The following PIK3CD variants were observed in gnomAD, a reference collection of about 807,000 sequenced individuals.
PIK3CD encodes the protein phosphatidylinositol-4,5-bisphosphate 3-kinase catalytic subunit delta, also known as phosphatidylinositol 4,5-bisphosphate 3-kinase catalytic subunit delta isoform.
In PIK3CD, 20 loss-of-function variants were observed where a neutral mutation model predicts 122.9. That is an observed-to-expected ratio of 0.16 (90% CI 0.11 to 0.24). The LOEUF is 0.24. Among genes scored for constraint, PIK3CD ranks in the 10% least tolerant of loss-of-function variants. The pLI is 1.00. For missense variants in PIK3CD, 787 were observed against 1,406.3 expected (o/e 0.56, Z 7.04); for synonymous variants, 596 against 593.4 (o/e 1.00, Z -0.06).
At position 9,724,110 on chromosome 1, in the gene PIK3CD, G is replaced by A. The variant is rs1260582920; in HGVS notation, c.2718+18G>A. The A allele has an allele frequency of 6.2e-7, 1 of 1,613,958 alleles. No individual in the cohort carries two copies. The highest frequency in any genetic ancestry group is 8.5e-7 in the Non-Finnish European group (1 of 1,180,032). ...GTGGGCAGGTACAGGGGCTGGTGCT[G>A]GCGGCTGCTGTGGGGACTTGGCTTC... On this transcript the variant is annotated intron_variant, in intron 21 of 23. Transcript: ENST00000377346. The surrounding 1 kb of genome is among the most constrained non-coding windows in gnomAD (Gnocchi z 7.3).
the PIK3CD span, among the ~76,000 whole-genome samples, chr1:9,638,586 G>T: frequency 1.3e-5 from 2 of 151,734 alleles, no homozygotes; most frequent in African/African-American, 4.8e-5. Flanking sequence ...CAAAAAGTTA[G>T]CGGGGTGTGG....
intron 2 of PIK3CD, among the ~76,000 whole-genome samples, chr1:9,708,839 TAAAAC>T (rs1022085062): frequency 2.8e-4 from 42 of 151,484 alleles, no homozygotes; most frequent in African/African-American, 8.2e-4. Flanking sequence ...TTCAAAAAAA[TAAAAC>T]AAAACAAAAA....
chr1:9,634,458 G>A, the PIK3CD span, among the ~76,000 whole-genome samples: 2 of 151,348 alleles, frequency 1.3e-5, no homozygotes, highest in African/African-American at 4.9e-5. Context: ...TTCCATGCCT[G>A]GCCCTAATTT....
At position 9,720,539 on chromosome 1, in the gene PIK3CD, A is replaced by T; in HGVS notation, c.1471-72A>T. 6.5e-7 allele frequency: 1 copy of T among 1,546,022 alleles called. No individual in the cohort carries two copies. The highest frequency in any genetic ancestry group is 8.7e-7 in the Non-Finnish European group (1 of 1,144,122). ...CCCCTCAAGGATGATTGGGGTGGCAATGCCCGGCCTGGGGGTCCTGCCCGG... is the reference window on the plus strand; with the variant it reads ...CCCCTCAAGGATGATTGGGGTGGCATTGCCCGGCCTGGGGGTCCTGCCCGG... On this transcript the variant is annotated intron_variant, in intron 11 of 23. Coordinates refer to ENST00000377346, the MANE Select transcript of PIK3CD (RefSeq NM_005026.5). The surrounding 1 kb of genome is among the most constrained non-coding windows in gnomAD (Gnocchi z 9.0).
chr1:9,723,876 G>C lies in PIK3CD; in HGVS notation c.2595-93G>C. 1 of 1,168,834 alleles carries C rather than the reference G, an allele frequency of 8.6e-7. No individual in the cohort carries two copies. Among genetic ancestry groups the C allele is most frequent in the Non-Finnish European group, 1.3e-6 (1 of 790,378 alleles). 72.4% of individuals were successfully genotyped at this position (1,168,834 alleles called of 1,614,324 possible). ...TCTGTTGGTCAAAGCAAGTCACAGG[G>C]CCAGATTCAAGGGGAGAGGGAGTAA... On this transcript the variant is annotated intron_variant, in intron 20 of 23. Coordinates refer to ENST00000377346, the MANE Select transcript of PIK3CD (RefSeq NM_005026.5). This position sits in a 1 kb window ranked among gnomAD's most constrained non-coding sequence, Gnocchi z 4.9.
chr1:9,634,517 T>G, the PIK3CD span, among the ~76,000 whole-genome samples: 2 of 152,156 alleles, frequency 1.3e-5, no homozygotes, highest in Non-Finnish European at 2.9e-5. Context: ...CAGGCTGGTC[T>G]CAAACTCCTG....
intron 2 of PIK3CD, among the ~76,000 whole-genome samples, chr1:9,702,010 T>TC (rs1348949323): frequency 3.9e-4 from 59 of 151,828 alleles, no homozygotes; most frequent in African/African-American, 1.4e-3. Context: ...TTTTTTTTTT[T>TC]TTGAGATGGA....
intron 1 of PIK3CD, chr1:9,687,517 G>C: frequency 6.6e-6 from 1 of 151,566 alleles, no homozygotes; most frequent in East Asian, 2.0e-4. Flanking sequence ...GCTGCCCTCG[G>C]ATGTCTGCTG....
At chr1:9,701,454 C>T (rs2100634165) in intron 2 of PIK3CD, among the ~76,000 whole-genome samples, 1 of 152,214 alleles carries the variant, frequency 6.6e-6, no homozygotes, top group Non-Finnish European at 1.5e-5. Context: ...GGCAGATCAC[C>T]TGAGGTCAGG....
the PIK3CD span, among the ~76,000 whole-genome samples, chr1:9,640,064 G>A: frequency 1.3e-5 from 2 of 151,378 alleles, no homozygotes; most frequent in African/African-American, 4.9e-5. Context: ...TTCTTTCATT[G>A]CTCAAGTTGT....
chr1:9,640,603 C>T, the PIK3CD span, among the ~76,000 whole-genome samples: 9 of 151,200 alleles, frequency 6.0e-5, no homozygotes, highest in Admixed American at 1.3e-4. Flanking sequence ...AAAAAAGAAA[C>T]GAAAATCAAG....
At chr1:9,669,564 G>C (rs1338264122) in intron 1 of PIK3CD, among the ~76,000 whole-genome samples, 2 of 152,162 alleles carry the variant, frequency 1.3e-5, no homozygotes, top group African/African-American at 4.8e-5. Context: ...GGGCTCAAGC[G>C]ATCTTCCTGC....
At chr1:9,664,209 C>T (rs925625046) in intron 1 of PIK3CD, among the ~76,000 whole-genome samples, 3 of 151,982 alleles carry the variant, frequency 2.0e-5, no homozygotes, top group South Asian at 2.1e-4. Context: ...TCACCATGCT[C>T]GGCTAATTTG....
the PIK3CD span, among the ~76,000 whole-genome samples, chr1:9,630,707 A>AGTGTGTGTGTGTGTGT: frequency 6.1e-5 from 9 of 147,546 alleles, no homozygotes; most frequent in African/African-American, 2.0e-4. Context: ...AAAGAAAGTG[A>AGTGTGTGTGTGTGTGT]GTGTGTGTGT....
chr1:9,716,890 T>C (rs1647561541), intron 6 of PIK3CD, 69 bp from the exon 7 acceptor site: 11 of 1,607,228 alleles, frequency 6.8e-6, no homozygotes, highest in Non-Finnish European at 9.4e-6. Flanking sequence ...TGGGGGGTCC[T>C]GGGAATCCTG....
intron 5 of PIK3CD, 118 bp from the exon 6 acceptor site, chr1:9,716,322 A>G: frequency 2.0e-6 from 2 of 987,882 alleles, no homozygotes; most frequent in Non-Finnish European, 3.2e-6. Flanking sequence ...AATATTTCCC[A>G]GTGTCATTTG....
intron 5 of PIK3CD, 61 bp downstream of exon 5, chr1:9,716,139 G>C: frequency 7.3e-7 from 1 of 1,367,252 alleles, no homozygotes; most frequent in Non-Finnish European, 1.0e-6. Context: ...CACTTCCTCT[G>C]TGAAACTCCT....
At chr1:9,726,294 G>C (rs1649574432) in intron 23 of PIK3CD, among the ~76,000 whole-genome samples, 1 of 152,122 alleles carries the variant, frequency 6.6e-6, no homozygotes, top group African/African-American at 2.4e-5. Context: ...GAATCATGAG[G>C]TCAGGAGATC....
the PIK3CD span, among the ~76,000 whole-genome samples, chr1:9,631,182 C>T: frequency 6.6e-6 from 1 of 152,214 alleles, no homozygotes; most frequent in Admixed American, 6.5e-5. Flanking sequence ...CAAGCTGCTA[C>T]ATCCTGGATC....
Sources: gnomAD v4.1 joint callset for allele counts (sites outside exome capture counted in the v4.1 genomes callset) on GRCh38, gnomAD v4.1.1 for gene constraint, Gnocchi (gnomAD v3.1) non-coding constraint, MANE v1.5 for transcripts, NCBI Gene and HGNC (gene_info 2026-07-23, HGNC 2026-07-21) for gene names.